DIP2B: variants seen among roughly 807,000 people sequenced by gnomAD.
DIP2B encodes the protein disco-interacting protein 2 homolog B.
A neutral mutation model predicts 198.0 loss-of-function variants in DIP2B; 76 were observed. The observed-to-expected ratio is 0.38, with a 90% CI of 0.32 to 0.46. The LOEUF (loss-of-function observed/expected upper bound fraction) is 0.46, where lower values mean the gene tolerates loss of function less well. DIP2B is among the 20% of genes least tolerant of loss of function. The probability of loss-of-function intolerance (pLI) is 0.99; values close to 1 mark genes in which losing one functional copy is unlikely to be tolerated. For missense variants in DIP2B, 1,559 were observed against 1,978.4 expected (o/e 0.79, Z 4.02); for synonymous variants, 701 against 739.1 (o/e 0.95, Z 0.84).
intron 12 of DIP2B, among the ~76,000 whole-genome samples, chr12:50,690,567 C>T (rs1184875839): frequency 6.6e-6 from 1 of 152,148 alleles, no homozygotes; most frequent in Non-Finnish European, 1.5e-5. Flanking sequence ...TAAAAAGCAA[C>T]TTGAATGGAA....
intron 4 of DIP2B, among the ~76,000 whole-genome samples, chr12:50,666,760 G>A (rs1938760959): frequency 2.0e-5 from 3 of 152,126 alleles, no homozygotes; most frequent in South Asian, 2.1e-4. Flanking sequence ...GGTGGCTCAC[G>A]CCTGTAATCC....
intron 2 of DIP2B, among the ~76,000 whole-genome samples, chr12:50,627,695 T>TA (rs1397973208): frequency 1.3e-5 from 2 of 152,234 alleles, no homozygotes; most frequent in African/African-American, 2.4e-5. Flanking sequence ...GGGAACCAAA[T>TA]CATTTGCTTA....
chr12:50,726,800 T>C (rs368443797), intron 28 of DIP2B, among the ~76,000 whole-genome samples: 1 of 152,022 alleles, frequency 6.6e-6, no homozygotes, highest in Non-Finnish European at 1.5e-5. Context: ...TGCACCCAGA[T>C]AGATTACTAT....
At chr12:50,648,699 C>A (rs986199597) in intron 3 of DIP2B, among the ~76,000 whole-genome samples, 18 of 123,214 alleles carry the variant, frequency 1.5e-4, no homozygotes, top group African/African-American at 4.1e-4. Context: ...GTTGTTCTTC[C>A]CCCCCCCCTC....
intron 1 of DIP2B, among the ~76,000 whole-genome samples, chr12:50,616,808 G>T (rs903485807): frequency 1.3e-5 from 2 of 152,198 alleles, no homozygotes; most frequent in African/African-American, 4.8e-5. Flanking sequence ...ATTATGAAGA[G>T]AACATGATAA....
intron 1 of DIP2B, among the ~76,000 whole-genome samples, chr12:50,556,270 G>A (rs1031537572): frequency 3.3e-5 from 5 of 151,826 alleles, no homozygotes; most frequent in East Asian, 1.9e-4. Context: ...GGATGGTCTC[G>A]AACTCCCGAC....
At chr12:50,595,981 G>A (rs2139435729) in intron 1 of DIP2B, among the ~76,000 whole-genome samples, 1 of 152,288 alleles carries the variant, frequency 6.6e-6, no homozygotes, top group African/African-American at 2.4e-5. Context: ...TCTTTCTGCT[G>A]TATGTAAGGA....
At chr12:50,669,269 T>C (rs1938808512) in intron 4 of DIP2B, among the ~76,000 whole-genome samples, 1 of 152,200 alleles carries the variant, frequency 6.6e-6, no homozygotes, top group Admixed American at 6.5e-5. Context: ...TCACAACCCC[T>C]AGGACTTGAC....
chr12:50,698,932 G>T, intron 18 of DIP2B, 134 bp from the exon 19 acceptor site: 1 of 929,112 alleles, frequency 1.1e-6, no homozygotes, highest in Non-Finnish European at 1.6e-6. Flanking sequence ...TTTATGTTTA[G>T]CATTCCTGTC....
rs531306267 is a variant in DIP2B, at chr12:50,517,250, TA to T, written c.100+12013del. On this transcript the variant is annotated intron_variant, in intron 1 of 37. Coordinates refer to ENST00000301180, the MANE Select transcript of DIP2B (RefSeq NM_173602.3). ...TTTGTTTTAATTAGATTTTTTTTTTTAAATTAAATAGAGATGGGGTTTTGCA... is the reference window on the plus strand; with the variant it reads ...TTTGTTTTAATTAGATTTTTTTTTTTAATTAAATAGAGATGGGGTTTTGCA... 3.2e-3 allele frequency among the ~76,000 whole-genome samples: 492 copies of T among 151,938 alleles called. 6 individuals are homozygous for T. Among genetic ancestry groups the T allele is most frequent in the African/African-American group, 0.011 (474 of 41,444 alleles).
chr12:50,518,889 T>C (rs1256060741), intron 1 of DIP2B, among the ~76,000 whole-genome samples: 3 of 152,144 alleles, frequency 2.0e-5, no homozygotes, highest in Non-Finnish European at 4.4e-5. Flanking sequence ...TACAGGTCCA[T>C]GTCACCATGC....
rs1440611404 is a variant in DIP2B, at chr12:50,696,077, G to T, written c.1933+110G>T. 11 of 1,489,926 alleles carry T rather than the reference G, an allele frequency of 7.4e-6. No homozygotes were observed. The South Asian group carries it at 1.0e-4, about 14-fold the overall frequency. 92.3% of individuals were successfully genotyped at this position (1,489,926 alleles called of 1,614,324 possible). A position where few individuals can be genotyped will look rare whatever the true frequency, so the allele number is the denominator to read the frequency against. ...CATACTGAAAAACTCACTCATTTAA[G>T]ATGTGTAATTCAGTGGTTTTGGTAT... On this transcript the variant is annotated intron_variant, in intron 16 of 37. Coordinates refer to ENST00000301180, the MANE Select transcript of DIP2B (RefSeq NM_173602.3).
chr12:50,590,159 A>T (rs1427124018), intron 1 of DIP2B, among the ~76,000 whole-genome samples: 2 of 148,390 alleles, frequency 1.3e-5, no homozygotes, highest in South Asian at 4.2e-4. Context: ...TTTCTGGATA[A>T]TTTTTTTTTT....
chr12:50,507,726 G>T (rs1271401500), intron 1 of DIP2B, among the ~76,000 whole-genome samples: 1 of 152,026 alleles, frequency 6.6e-6, no homozygotes, highest in African/African-American at 2.4e-5. Context: ...AGTAGAGACC[G>T]GGTTTCACCG....
In DIP2B at chr12:50,511,394, C is replaced by T. The variant is rs574421265; in HGVS notation, c.100+6154C>T. ...ACAACCCCCGCCTTCCGGGCTCAAG[C>T]GATTCTCCTGCCTCAGCCTCCCCAA... On this transcript the variant is annotated intron_variant, in intron 1 of 37. Transcript: ENST00000301180. 8.8e-5 allele frequency among the ~76,000 whole-genome samples: 13 copies of T among 147,306 alleles called. 1 individual carries two copies. In the South Asian group the frequency reaches 2.8e-3, roughly 32 times the overall value.
chr12:50,532,968 G>T (rs930734022), intron 1 of DIP2B, among the ~76,000 whole-genome samples: 2 of 152,324 alleles, frequency 1.3e-5, no homozygotes, highest in Non-Finnish European at 2.9e-5. Context: ...ATCTATTTCT[G>T]ATTCATTTGA....
At chr12:50,590,797 TTTGATG>T (rs1398270259) in intron 1 of DIP2B, among the ~76,000 whole-genome samples, 1 of 151,012 alleles carries the variant, frequency 6.6e-6, no homozygotes, top group South Asian at 2.1e-4. Flanking sequence ...TTGATCAAAA[TTTGATG>T]TTATGAAATT....
chr12:50,643,031 TGTGTGTGTGTGTGA>T (rs1377197398), intron 3 of DIP2B, among the ~76,000 whole-genome samples: 1 of 151,604 alleles, frequency 6.6e-6, no homozygotes, highest in East Asian at 1.9e-4. Context: ...AGTTTCTGTG[TGTGTGTGTGTGTGA>T]GTGTGTGTGT....
chr12:50,673,181 CAT>C (rs1565866370), intron 5 of DIP2B, among the ~76,000 whole-genome samples: 2 of 152,080 alleles, frequency 1.3e-5, no homozygotes, highest in African/African-American at 2.4e-5. Context: ...GGAATATACT[CAT>C]GTTAGTATAT....
Sources: gnomAD v4.1 joint callset for allele counts (sites outside exome capture counted in the v4.1 genomes callset) on GRCh38, gnomAD v4.1.1 for gene constraint, MANE v1.5 for transcripts, NCBI Gene and HGNC (gene_info 2026-07-23, HGNC 2026-07-21) for gene names.